EFR3B: variants seen among roughly 807,000 people sequenced by gnomAD.
The protein encoded by EFR3B is EFR3 homolog B, also known as protein EFR3 homolog B.
EFR3B carries 64 observed loss-of-function variants against 104.7 expected under a neutral mutation model. That is an observed-to-expected ratio of 0.61 (90% CI 0.50 to 0.75). The LOEUF (loss-of-function observed/expected upper bound fraction) is 0.75, where lower values mean the gene tolerates loss of function less well. Among genes scored for constraint, EFR3B ranks in the 30% least tolerant of loss-of-function variants. The pLI is 0.00. For missense variants in EFR3B, 750 were observed against 1,078.5 expected (o/e 0.70, Z 4.27); for synonymous variants, 385 against 417.9 (o/e 0.92, Z 0.96).
At chr2:25,145,460 G>C (rs1670789196) in intron 19 of EFR3B, 1 of 233,400 alleles carries the variant, frequency 4.3e-6, no homozygotes, top group Non-Finnish European at 8.3e-6. Flanking sequence ...TGTGGTCCCA[G>C]GTACTCAGGA....
chr2:25,113,934 A>C (rs1300389112), intron 4 of EFR3B, among the ~76,000 whole-genome samples: 4 of 152,162 alleles, frequency 2.6e-5, no homozygotes, highest in African/African-American at 9.7e-5. Context: ...GGGACAAGTA[A>C]GCTTGTCCCA....
chr2:25,110,697 CAA>C (rs1390813313), intron 4 of EFR3B, among the ~76,000 whole-genome samples: 1 of 152,002 alleles, frequency 6.6e-6, no homozygotes, highest in South Asian at 2.1e-4. Flanking sequence ...AAGAGAAAAA[CAA>C]AAAAATTACG....
intron 1 of EFR3B, 91 bp from the exon 2 acceptor site, chr2:25,091,233 CT>C: frequency 8.2e-7 from 1 of 1,226,552 alleles, no homozygotes; most frequent in Non-Finnish European, 1.2e-6. Flanking sequence ...TGTCTGTTTC[CT>C]GCCACTCACA....
At position 25,157,735 on chromosome 2, in the gene EFR3B, C is replaced by T. The variant is rs1482725760; in HGVS notation, c.*3395C>T. The T allele has an allele frequency of 3.3e-5, 5 of 152,168 alleles. No individual in the cohort carries two copies. The highest frequency in any genetic ancestry group is 9.7e-5 in the African/African-American group (4 of 41,406). 9.4% of individuals were successfully genotyped at this position (152,168 alleles called of 1,614,324 possible). A position where few individuals can be genotyped will look rare whatever the true frequency, so the allele number is the denominator to read the frequency against. ...TCGGCAGAAAGCATCAGTGTGGTCC[C>T]GAGGCTCCCTCTGTTTTCCTTGCCA... On this transcript the variant is annotated 3_prime_UTR_variant, in exon 23 of 23. Transcript: ENST00000403714.
chr2:25,152,093 A>T, intron 21 of EFR3B, 73 bp downstream of exon 21: 3 of 1,429,624 alleles, frequency 2.1e-6, no homozygotes, highest in Non-Finnish European at 2.9e-6. Flanking sequence ...GACAGGATTA[A>T]GTTCCTAGGA....
chr2:25,138,596 C>T (rs549720231), intron 15 of EFR3B, among the ~76,000 whole-genome samples: 3 of 152,330 alleles, frequency 2.0e-5, no homozygotes, highest in Non-Finnish European at 4.4e-5. Flanking sequence ...TCTGTTTACC[C>T]TCAAGAACTA....
chr2:25,113,424 G>A (rs1039565043), intron 4 of EFR3B, among the ~76,000 whole-genome samples: 4 of 152,064 alleles, frequency 2.6e-5, no homozygotes, highest in African/African-American at 9.7e-5. Flanking sequence ...GGGGGCTCAC[G>A]CCTGTAATCC....
chr2:25,149,562 G>A (rs1449366899), intron 19 of EFR3B, 132 bp from the exon 20 acceptor site: 7 of 865,162 alleles, frequency 8.1e-6, no homozygotes, highest in African/African-American at 1.7e-5. Context: ...GGGTGGGGGT[G>A]TCCTGAGGGA....
In EFR3B at chr2:25,137,974, C is replaced by T. The variant is rs1036028773; in HGVS notation, c.1722+472C>T. 6.6e-5 allele frequency among the ~76,000 whole-genome samples: 10 copies of T among 152,102 alleles called. No individual in the cohort carries two copies. Among genetic ancestry groups the T allele is most frequent in the African/African-American group, 2.4e-4 (10 of 41,420 alleles). On this transcript the variant is annotated intron_variant, in intron 15 of 22. Transcript: ENST00000403714. The surrounding 1 kb of genome is among the most constrained non-coding windows in gnomAD (Gnocchi z 4.7). Reference sequence around the variant, plus strand: ...ACCACTTGAGGTCAGGAGTTCAAGACCAGCCTGGCCAACATGGTGAAACCC... The same window carrying T: ...ACCACTTGAGGTCAGGAGTTCAAGATCAGCCTGGCCAACATGGTGAAACCC...
chr2:25,069,854 G>A (rs1201760431), intron 1 of EFR3B, among the ~76,000 whole-genome samples: 1 of 152,086 alleles, frequency 6.6e-6, no homozygotes, highest in Non-Finnish European at 1.5e-5. Context: ...GCGCCACCAC[G>A]CCTGGCTAAT....
rs1670667680 is a variant in EFR3B, at chr2:25,141,594, G to T, written c.1922+161G>T. Among the ~76,000 whole-genome samples, 4 of 152,214 alleles carry T rather than the reference G, an allele frequency of 2.6e-5. No individual in the cohort carries two copies. In the South Asian group the frequency reaches 8.3e-4, roughly 31 times the overall value. On this transcript the variant is annotated intron_variant, in intron 17 of 22. Coordinates refer to ENST00000403714, the MANE Select transcript of EFR3B (RefSeq NM_014971.2). ...CTGTGGTCCAGGAGTCCTGGGTAAA[G>T]TTCAACCCCATCACATTACTGCAGT... is the stretch of plus-strand genomic sequence containing the variant.
intron 5 of EFR3B, among the ~76,000 whole-genome samples, chr2:25,124,448 C>T (rs964986284): frequency 1.6e-4 from 24 of 151,900 alleles, no homozygotes; most frequent in Non-Finnish European, 1.5e-5. Flanking sequence ...GCAGTAGGGC[C>T]GGGCGCAGTG....
chr2:25,073,757 C>CCA (rs917200181), intron 1 of EFR3B, among the ~76,000 whole-genome samples: 7 of 152,226 alleles, frequency 4.6e-5, no homozygotes, highest in African/African-American at 1.7e-4. Context: ...TGCATGTGTG[C>CCA]CCCTTTGCTC....
intron 5 of EFR3B, among the ~76,000 whole-genome samples, chr2:25,124,973 A>T (rs1670124489): frequency 6.6e-6 from 1 of 150,678 alleles, no homozygotes; most frequent in African/African-American, 2.5e-5. Flanking sequence ...TACAAGAATC[A>T]CTTGAACCTG....
rs1010461678 is a variant in EFR3B, at chr2:25,080,653, T to C, written c.8-10672T>C. On this transcript the variant is annotated intron_variant, in intron 1 of 22. Transcript: ENST00000403714. ...CAAACCAGCACCATTTACTAGACAGTCTGTATTTCCTTTCAGGCCAATGTA... is the reference window on the plus strand; with the variant it reads ...CAAACCAGCACCATTTACTAGACAGCCTGTATTTCCTTTCAGGCCAATGTA... 52 of 629,498 alleles carry C rather than the reference T, an allele frequency of 8.3e-5. No homozygotes were observed. In the East Asian group the frequency reaches 1.4e-3, roughly 17 times the overall value. 39.0% of individuals were successfully genotyped at this position (629,498 alleles called of 1,614,324 possible). A position where few individuals can be genotyped will look rare whatever the true frequency, so the allele number is the denominator to read the frequency against.
intron 4 of EFR3B, among the ~76,000 whole-genome samples, chr2:25,110,402 T>C (rs1669692523): frequency 6.6e-6 from 1 of 152,082 alleles, no homozygotes; most frequent in Non-Finnish European, 1.5e-5. Flanking sequence ...CTTACAAACC[T>C]TCCATTTTCC....
At chr2:25,070,227 T>C (rs1668458291) in intron 1 of EFR3B, among the ~76,000 whole-genome samples, 1 of 152,104 alleles carries the variant, frequency 6.6e-6, no homozygotes, top group South Asian at 2.1e-4. Context: ...TTACACAATA[T>C]TTTCCCTGTG....
chr2:25,081,550 T>C, intron 1 of EFR3B: 1 of 991,750 alleles, frequency 1.0e-6, no homozygotes, highest in Non-Finnish European at 1.6e-6. Context: ...GTGCTATTGC[T>C]GCTGTACTTG....
At chr2:25,113,678 A>AAAAAG (rs1054468145) in intron 4 of EFR3B, among the ~76,000 whole-genome samples, 21 of 109,834 alleles carry the variant, frequency 1.9e-4, no homozygotes, top group Non-Finnish European at 2.4e-4. Flanking sequence ...AAAAAAAAAA[A>AAAAAG]AAAAGAAAAG....
Sources: allele counts gnomAD v4.1 joint callset (sites outside exome capture counted in the v4.1 genomes callset), GRCh38; gene constraint gnomAD v4.1.1; non-coding constraint Gnocchi (gnomAD v3.1); transcripts MANE v1.5; gene names NCBI Gene and HGNC (gene_info 2026-07-23, HGNC 2026-07-21).